Variants in TFB1M observed in about 807,000 individuals in gnomAD.
TFB1M encodes transcription factor B1, mitochondrial.
A neutral mutation model predicts 31.1 loss-of-function variants in TFB1M; 27 were observed. That is an observed-to-expected ratio of 0.87 (90% CI 0.64 to 1.20). The LOEUF (loss-of-function observed/expected upper bound fraction) is 1.20, where lower values mean the gene tolerates loss of function less well. TFB1M is among the 50% of genes most tolerant of loss of function. The pLI is 0.00. For missense variants in TFB1M, 394 were observed against 418.7 expected (o/e 0.94, Z 0.51); for synonymous variants, 166 against 151.8 (o/e 1.09, Z -0.69).
intron 4 of TFB1M, among the ~76,000 whole-genome samples, chr6:155,296,426 A>ATTTTTTTTTTTTTTTTTTTT: frequency 9.7e-6 from 1 of 103,474 alleles, no homozygotes; most frequent in Non-Finnish European, 1.8e-5. Context: ...CACCCAGCTA[A>ATTTTTTTTTTTTTTTTTTTT]TTTTTTTTTT....
chr6:155,246,684 A>G, the TFB1M span, among the ~76,000 whole-genome samples: 3 of 152,088 alleles, frequency 2.0e-5, no homozygotes, highest in African/African-American at 7.2e-5. Context: ...AAGCATACCA[A>G]TGTACTTGTC....
intron 2 of TFB1M, among the ~76,000 whole-genome samples, chr6:155,300,582 G>T (rs541696676): frequency 6.6e-6 from 1 of 152,212 alleles, no homozygotes; most frequent in Non-Finnish European, 1.5e-5. Context: ...AAACAAAGAG[G>T]CAGAACTAAT....
the TFB1M span, chr6:155,245,754 A>ACTTT: frequency 7.1e-6 from 4 of 562,928 alleles, no homozygotes; most frequent in Non-Finnish European, 7.5e-6. Context: ...TGCCTTTTAT[A>ACTTT]GTTTTTTTTT....
At chr6:155,251,798 T>A (rs1021172864), downstream of TFB1M, 34 of 660,512 alleles carry the variant, frequency 5.1e-5, no homozygotes, top group Non-Finnish European at 7.5e-5. Flanking sequence ...GAAAGGGAAG[T>A]ACCATTTATT....
the TFB1M span, among the ~76,000 whole-genome samples, chr6:155,234,475 C>T: frequency 6.6e-6 from 1 of 152,194 alleles, no homozygotes; most frequent in African/African-American, 2.4e-5. Context: ...CCTATGTTGT[C>T]CAGGATAGTC....
intron 5 of TFB1M, 38 bp downstream of exon 5, chr6:155,285,120 T>C: frequency 8.1e-6 from 13 of 1,612,410 alleles, no homozygotes; most frequent in Non-Finnish European, 1.0e-5. Context: ...ACAAACGTCC[T>C]AATTCCGATA....
chr6:155,260,956 G>T, intron 5 of TFB1M: 1 of 175,812 alleles, frequency 5.7e-6, no homozygotes, highest in Non-Finnish European at 1.2e-5. Context: ...GCCCCGAAAG[G>T]CATAGGCAGG....
rs1777204907 is a variant in TFB1M, at chr6:155,296,978, A to C, written c.521T>G (p.Leu174Trp). ...PFVYGRTQMTLTFQKEVAERL... is the reference protein window; with the variant it reads ...PFVYGRTQMTWTFQKEVAERL... ...CTCTGCCACTTCCTTTTGAAAAGTC[A>C]AAGTCATCTGAGTTCTGCCATAAAC... Residue 174 changes from leucine (L) to tryptophan (W), a missense_variant, in exon 4 of 7, where the codon TTG becomes TGG. Transcript: ENST00000367166. 6.2e-7 allele frequency: 1 copy of C among 1,613,934 alleles called. No homozygotes were observed. The highest frequency in any genetic ancestry group is 1.3e-5 in the African/African-American group (1 of 74,940).
chr6:155,250,508 C>T, the TFB1M span: 1 of 1,526,274 alleles, frequency 6.6e-7, no homozygotes, highest in East Asian at 2.4e-5. Flanking sequence ...TTCACTCTGG[C>T]CAGTTTCAAT....
Position 155,257,761 on chromosome 6 carries a change from C to CA in TFB1M, c.*74dup. ...CATTTGTATCGTCATTCTGTAAAGACAAAAGAGTACCTATATAAGAAGCTC... is the reference window on the plus strand; with the variant it reads ...CATTTGTATCGTCATTCTGTAAAGACAAAAAGAGTACCTATATAAGAAGCTC... On this transcript the variant is annotated 3_prime_UTR_variant, in exon 7 of 7. Transcript: ENST00000367166. The CA allele has an allele frequency of 1.3e-6, 2 of 1,575,400 alleles. No individual in the cohort carries two copies. The highest frequency in any genetic ancestry group is 4.5e-5 in the East Asian group (2 of 44,666).
rs1784095271 is a variant in TFB1M, at chr6:155,257,035, C to G, written c.*801G>C. On this transcript the variant is annotated 3_prime_UTR_variant, in exon 7 of 7. Transcript: ENST00000367166. ...TGCCACCATCGACCTAAATTCTGTT[C>G]TAGAGCGAGAATTCAGTGTCCAGAG... 1 of 1,614,158 alleles carries G rather than the reference C, an allele frequency of 6.2e-7. No homozygotes were observed. The highest frequency in any genetic ancestry group is 8.5e-7 in the Non-Finnish European group (1 of 1,180,038).
the TFB1M span, chr6:155,243,990 CT>C: frequency 1.2e-6 from 2 of 1,609,720 alleles, no homozygotes; most frequent in Admixed American, 1.7e-5. Flanking sequence ...GTTGAAGACA[CT>C]TTCTTCTATT....
the TFB1M span, among the ~76,000 whole-genome samples, chr6:155,246,371 A>G: frequency 6.6e-6 from 1 of 152,184 alleles, no homozygotes; most frequent in African/African-American, 2.4e-5. Flanking sequence ...GTGGGGTCTT[A>G]GAGTGCTTCA....
chr6:155,257,521 A>G lies in TFB1M; in HGVS notation c.*315T>C. ...TGTTAGTTTTTGCTTTATTTAAAGC[A>G]TATTTAAGTTATTTTAATGTGGTTT... On this transcript the variant is annotated 3_prime_UTR_variant, in exon 7 of 7. Transcript: ENST00000367166. 2.8e-6 allele frequency: 1 copy of G among 359,454 alleles called. No individual in the cohort carries two copies. The highest frequency in any genetic ancestry group is 5.0e-6 in the Non-Finnish European group (1 of 198,646). 22.3% of individuals were successfully genotyped at this position (359,454 alleles called of 1,614,324 possible).
At chr6:155,275,778 G>T in intron 5 of TFB1M, 1 of 1,614,080 alleles carries the variant, frequency 6.2e-7, no homozygotes, top group Non-Finnish European at 8.5e-7. Context: ...GGGGTCTCTG[G>T]AGTGCTCACA....
chr6:155,277,145 CA>C (rs1162712975), intron 5 of TFB1M, among the ~76,000 whole-genome samples: 1 of 152,216 alleles, frequency 6.6e-6, no homozygotes, highest in African/African-American at 2.4e-5. Context: ...CTGCTTCTAG[CA>C]AGAGGATTCT....
Position 155,256,350 on chromosome 6 carries a change from C to A in TFB1M, c.*1486G>T. The stretch of plus-strand genomic sequence containing the variant: ...AGTAGCTACATTTTTGCCTAATTAC[C>A]AGGATAGTTGCTAACTGAAGTCATA... On this transcript the variant is annotated 3_prime_UTR_variant, in exon 7 of 7. Coordinates refer to ENST00000367166, the MANE Select transcript of TFB1M (RefSeq NM_016020.4). 7.5e-7 allele frequency: 1 copy of A among 1,340,354 alleles called. No homozygotes were observed. The highest frequency in any genetic ancestry group is 1.0e-6 in the Non-Finnish European group (1 of 989,580). The allele number at this position is 1,340,354 out of a possible 1,614,324, so 83.0% of individuals were successfully genotyped here. A position where few individuals can be genotyped will look rare whatever the true frequency, so the allele number is the denominator to read the frequency against.
At chr6:155,245,755 GTTTT>G in the TFB1M span, 3 of 1,022,126 alleles carry the variant, frequency 2.9e-6, no homozygotes, top group Non-Finnish European at 2.8e-6. Flanking sequence ...GCCTTTTATA[GTTTT>G]TTTTTTTTTT....
intron 5 of TFB1M, among the ~76,000 whole-genome samples, chr6:155,271,243 G>T (rs1784901299): frequency 6.6e-6 from 1 of 152,092 alleles, no homozygotes; most frequent in Non-Finnish European, 1.5e-5. Context: ...ATAGCTTGTA[G>T]AATAAAACTT....
Sources: allele counts gnomAD v4.1 joint callset (sites outside exome capture counted in the v4.1 genomes callset), GRCh38; gene constraint gnomAD v4.1.1; transcripts MANE v1.5; gene names NCBI Gene and HGNC (gene_info 2026-07-23, HGNC 2026-07-21).